SEC24C: variants seen among roughly 807,000 people sequenced by gnomAD.
The protein encoded by SEC24C is SEC24 homolog C, COPII component.
A neutral mutation model predicts 117.0 loss-of-function variants in SEC24C; 22 were observed. The ratio of observed to expected loss-of-function variants is 0.19; its 90% CI spans 0.13 to 0.27. The LOEUF (loss-of-function observed/expected upper bound fraction) is 0.27, where lower values mean the gene tolerates loss of function less well. SEC24C is among the 10% of genes least tolerant of loss of function. The pLI is 1.00. For synonymous variants in SEC24C, 506 were observed against 529.4 expected (o/e 0.96, Z 0.61); for missense variants, 1,155 against 1,375.1 (o/e 0.84, Z 2.53).
In SEC24C at chr10:73,762,030, T is replaced by C. The variant is rs1385861136; in HGVS notation, c.987+1181T>C. ...CTCAACAGGGTTGAGAGAAGTAACA[T>C]CTGCCTCTTGTTCTTTTGTCTCCCT... On this transcript the variant is annotated intron_variant, in intron 6 of 22. Transcript: ENST00000345254. The C allele has an allele frequency of 2.7e-6, 3 of 1,098,350 alleles. No homozygotes were observed. The East Asian group carries it at 1.7e-4, about 64-fold the overall frequency. The allele number at this position is 1,098,350 out of a possible 1,614,324, so 68.0% of individuals were successfully genotyped here. A position where few individuals can be genotyped will look rare whatever the true frequency, so the allele number is the denominator to read the frequency against.
Position 73,760,358 on chromosome 10 carries a change from G to A in SEC24C, c.822G>A (p.Gln274=). 1 of 1,602,134 alleles carries A rather than the reference G, an allele frequency of 6.2e-7. No individual in the cohort carries two copies. The highest frequency in any genetic ancestry group is 1.7e-4 in the Middle Eastern group (1 of 6,038). ...LGPLPPMHSP[Q]QPGYQPQQNG... is the part of the protein sequence containing the mutation. Reference sequence around the variant, plus strand: ...CACTGCCACCTATGCACTCCCCGCAGCAGCCAGGCTATCAGCCCCAACAAA... The same window carrying A: ...CACTGCCACCTATGCACTCCCCGCAACAGCCAGGCTATCAGCCCCAACAAA... Residue 274 remains glutamine (Q), a synonymous_variant, in exon 5 of 23, where the codon CAG becomes CAA. Transcript: ENST00000345254.
At position 73,769,110 on chromosome 10, in the gene SEC24C, G is replaced by A. The variant is rs778850513; in HGVS notation, c.2382G>A (p.Lys794=). The change falls in exon 17 of 23, where the codon AAG becomes AAA. Residue 794 remains lysine (K), a synonymous_variant. Coordinates refer to ENST00000345254, the MANE Select transcript of SEC24C (RefSeq NM_198597.3). This position sits in a 1 kb window ranked among gnomAD's most constrained non-coding sequence, Gnocchi z 4.5. ...ACAAAACAGTGACTGTGGAGTTCAA[G>A]CATGACGATCGGCTCAATGAAGAGA... ...DGDKTVTVEF[K]HDDRLNEESG... The A allele has an allele frequency of 1.2e-6, 2 of 1,614,248 alleles. No homozygotes were observed. Among genetic ancestry groups the A allele is most frequent in the Non-Finnish European group, 1.7e-6 (2 of 1,180,040 alleles).
rs763350335 is a variant in SEC24C, at chr10:73,771,888, AG to A, written c.*795del. The A allele has an allele frequency of 5.5e-4, 88 of 160,372 alleles. No homozygotes were observed. Among genetic ancestry groups the A allele is most frequent in the Middle Eastern group, 5.8e-3 (2 of 344 alleles). 9.9% of individuals were successfully genotyped at this position (160,372 alleles called of 1,614,324 possible). A position where few individuals can be genotyped will look rare whatever the true frequency, so the allele number is the denominator to read the frequency against. Reference sequence around the variant, plus strand: ...CTCCCACGAGAAACACTGCTTCTCCAGGCCCGGGGTTGTTGGGGAGAGAGGC... The same window carrying A: ...CTCCCACGAGAAACACTGCTTCTCCAGCCCGGGGTTGTTGGGGAGAGAGGC... On this transcript the variant is annotated 3_prime_UTR_variant, in exon 23 of 23. Transcript: ENST00000345254.
chr10:73,757,068 G>A (rs1030726189), intron 3 of SEC24C, among the ~76,000 whole-genome samples: 1 of 148,730 alleles, frequency 6.7e-6, no homozygotes, highest in Admixed American at 6.7e-5. Context: ...GCACTACCAC[G>A]CCTGGGCTAA....
At chr10:73,767,532 G>A (rs970058644) in intron 14 of SEC24C, among the ~76,000 whole-genome samples, 8 of 152,164 alleles carry the variant, frequency 5.3e-5, no homozygotes, top group South Asian at 2.1e-4. Context: ...GCCAGGTGTG[G>A]TGGCACACAC....
chr10:73,756,493 A>G (rs2082712282), intron 3 of SEC24C, among the ~76,000 whole-genome samples: 1 of 152,232 alleles, frequency 6.6e-6, no homozygotes, highest in Admixed American at 6.5e-5. Flanking sequence ...GGAATGATGA[A>G]AATGTTTTAA....
intron 3 of SEC24C, among the ~76,000 whole-genome samples, chr10:73,754,432 T>A (rs1004300482): frequency 6.6e-6 from 1 of 152,020 alleles, no homozygotes; most frequent in Non-Finnish European, 1.5e-5. Context: ...AAAAAGTATA[T>A]GGGAGGTTAT....
At chr10:73,758,356 A>G (rs1197545287) in intron 3 of SEC24C, among the ~76,000 whole-genome samples, 2 of 152,246 alleles carry the variant, frequency 1.3e-5, no homozygotes, top group Non-Finnish European at 2.9e-5. Flanking sequence ...GGATTTTTAA[A>G]AAGTTTTTTG....
At chr10:73,768,977 T>A (rs1370826073) in intron 16 of SEC24C, 30 bp from the exon 17 acceptor site, 22 of 1,614,082 alleles carry the variant, frequency 1.4e-5, no homozygotes, top group Non-Finnish European at 1.9e-5. Flanking sequence ...TGTCATACTT[T>A]TTGCCCTGAC....
intron 20 of SEC24C, 30 bp from the exon 21 acceptor site, chr10:73,770,250 G>A (rs1589531648): frequency 1.3e-6 from 2 of 1,568,188 alleles, no homozygotes; most frequent in Non-Finnish European, 1.7e-6. Context: ...ATGGTCCTTG[G>A]TAACCTTTTG....
intron 3 of SEC24C, among the ~76,000 whole-genome samples, chr10:73,758,037 C>T (rs2082738440): frequency 6.6e-6 from 1 of 150,874 alleles, no homozygotes. Flanking sequence ...AGTTCCGAGA[C>T]CAGCCCGGCC....
chr10:73,760,545 A>T (rs903547401), intron 5 of SEC24C, among the ~76,000 whole-genome samples, 159 bp downstream of exon 5: 2 of 152,208 alleles, frequency 1.3e-5, no homozygotes, highest in Non-Finnish European at 2.9e-5. Context: ...TTTGTAAGAC[A>T]TTATTTTTTC....
chr10:73,766,995 T>C, intron 13 of SEC24C, 59 bp from the exon 14 acceptor site: 1 of 1,466,166 alleles, frequency 6.8e-7, no homozygotes, highest in Non-Finnish European at 9.5e-7. Context: ...GCTTAATAAA[T>C]GACAAGGGAA....
intron 8 of SEC24C, among the ~76,000 whole-genome samples, chr10:73,764,547 G>T (rs1031202953): frequency 2.9e-4 from 44 of 151,808 alleles, no homozygotes; most frequent in Non-Finnish European, 4.3e-4. Context: ...AAAACAAGAG[G>T]TAGGGCCAAA....
chr10:73,768,257 G>A (rs1008539894), intron 15 of SEC24C, among the ~76,000 whole-genome samples: 4 of 152,128 alleles, frequency 2.6e-5, no homozygotes, highest in Non-Finnish European at 4.4e-5. Flanking sequence ...GGTGGCGGGC[G>A]CCTGTAATCC....
intron 6 of SEC24C, 124 bp from the exon 7 acceptor site, chr10:73,763,366 A>G (rs2132558364): frequency 1.7e-6 from 1 of 593,612 alleles, no homozygotes; most frequent in Non-Finnish European, 3.1e-6. Flanking sequence ...GGCCTGGTGT[A>G]TGAGGTGTTC....
Position 73,769,425 on chromosome 10 carries a change from C to T in SEC24C, c.2503C>T (p.Leu835=). ...TCTGGCCCTGAACTGCTGCACCCAG[C>T]TGGCTGATCTATATCGAAACTGTGA... ...HNLALNCCTQ[L]ADLYRNCETD... is the part of the protein sequence containing the mutation. The change falls in exon 18 of 23, where the codon CTG becomes TTG. Residue 835 remains leucine (L), a synonymous_variant. Transcript: ENST00000345254. This position sits in a 1 kb window ranked among gnomAD's most constrained non-coding sequence, Gnocchi z 4.5. 1 of 1,614,186 alleles carries T rather than the reference C, an allele frequency of 6.2e-7. No homozygotes were observed. Among genetic ancestry groups the T allele is most frequent in the Non-Finnish European group, 8.5e-7 (1 of 1,180,028 alleles).
At chr10:73,753,764 T>TC (rs896131886) in intron 3 of SEC24C, among the ~76,000 whole-genome samples, 3 of 152,200 alleles carry the variant, frequency 2.0e-5, no homozygotes, top group Non-Finnish European at 4.4e-5. Context: ...GTCTATAAGC[T>TC]CCACCTCTGT....
rs894213973 is a variant in SEC24C at position 73,754,379 on chromosome 10, C to T, written c.308+3136C>T. Among the ~76,000 whole-genome samples the T allele has an allele frequency of 8.5e-5, 13 of 152,124 alleles. 1 individual carries two copies. The highest frequency in any genetic ancestry group is 2.6e-4 in the Admixed American group (4 of 15,276). ...GCAGTGAGCCAAGATTGTGCCACTG[C>T]ACTCCATCCTGGGCGACAGAGTGAG... On this transcript the variant is annotated intron_variant, in intron 3 of 22. Coordinates refer to ENST00000345254, the MANE Select transcript of SEC24C (RefSeq NM_198597.3).
Sources: gnomAD v4.1 joint callset for allele counts (sites outside exome capture counted in the v4.1 genomes callset) on GRCh38, gnomAD v4.1.1 for gene constraint, Gnocchi (gnomAD v3.1) non-coding constraint, MANE v1.5 for transcripts, NCBI Gene and HGNC (gene_info 2026-07-23, HGNC 2026-07-21) for gene names.